Variants in MAP2K5 observed in about 807,000 individuals in gnomAD.
MAP2K5 encodes the protein dual specificity mitogen-activated protein kinase kinase 5.
Under a neutral mutation model 83.1 loss-of-function variants are expected in MAP2K5, and 49 were observed. The ratio of observed to expected loss-of-function variants is 0.59; its 90% CI spans 0.47 to 0.75. MAP2K5 has a LOEUF of 0.75. MAP2K5 is among the 30% of genes least tolerant of loss of function. The pLI is 0.00. For synonymous variants in MAP2K5, 202 were observed against 191.8 expected (o/e 1.05, Z -0.44); for missense variants, 457 against 557.5 (o/e 0.82, Z 1.82).
intron 1 of MAP2K5, 38 bp from the exon 2 acceptor site, chr15:67,549,996 G>C (rs776198573): frequency 5.9e-6 from 9 of 1,533,120 alleles, no homozygotes; most frequent in Non-Finnish European, 8.1e-6. Context: ...CAATAAAGAA[G>C]ATGGCTAATT....
chr15:67,801,555 G>A lies in MAP2K5; in HGVS notation c.1243-5091G>A, dbSNP rs1475576644. 6.6e-6 allele frequency among the ~76,000 whole-genome samples: 1 copy of A among 152,220 alleles called. No homozygotes were observed. Among genetic ancestry groups the A allele is most frequent in the African/African-American group, 2.4e-5 (1 of 41,448 alleles). On this transcript the variant is annotated intron_variant, in intron 21 of 21. Transcript: ENST00000178640. This position sits in a 1 kb window ranked among gnomAD's most constrained non-coding sequence, Gnocchi z 4.8. ...ACCACCAGTAGGCAGGCAGTGTGGT[G>A]TCTTCCATGGTAGAAGAGTGTCCTG... is the stretch of plus-strand genomic sequence containing the variant.
intron 21 of MAP2K5, among the ~76,000 whole-genome samples, chr15:67,776,087 T>C (rs938357479): frequency 4.6e-5 from 7 of 152,148 alleles, no homozygotes; most frequent in African/African-American, 1.7e-4. Flanking sequence ...CTTTCAATTC[T>C]TTAAGAGCCT....
At chr15:67,656,390 T>C (rs1179931709) in intron 11 of MAP2K5, among the ~76,000 whole-genome samples, 2 of 151,404 alleles carry the variant, frequency 1.3e-5, no homozygotes, top group Admixed American at 1.3e-4. Context: ...AGTGGCGCAG[T>C]CTCTGCTCAC....
At position 67,801,440 on chromosome 15, in the gene MAP2K5, C is replaced by T. The variant is rs1046933250; in HGVS notation, c.1243-5206C>T. 6.6e-6 allele frequency among the ~76,000 whole-genome samples: 1 copy of T among 152,194 alleles called. No homozygotes were observed. The highest frequency in any genetic ancestry group is 6.5e-5 in the Admixed American group (1 of 15,282). ...TTGGTGGGAGAGGATGTGCTTGGTGCTCACCCTGAGGCAGAGCAGTCCTGT... is the reference window on the plus strand; with the variant it reads ...TTGGTGGGAGAGGATGTGCTTGGTGTTCACCCTGAGGCAGAGCAGTCCTGT... On this transcript the variant is annotated intron_variant, in intron 21 of 21. Transcript: ENST00000178640. The surrounding 1 kb of genome is among the most constrained non-coding windows in gnomAD (Gnocchi z 4.8).
chr15:67,763,872 A>G (rs2089996483), intron 19 of MAP2K5, among the ~76,000 whole-genome samples: 1 of 152,244 alleles, frequency 6.6e-6, no homozygotes, highest in South Asian at 2.1e-4. Flanking sequence ...GCAGTGATCC[A>G]ATAGAGCTTT....
Position 67,748,736 on chromosome 15 carries a change from T to A in MAP2K5, c.1134+135T>A. 2.8e-6 allele frequency: 2 copies of A among 718,498 alleles called. No individual in the cohort carries two copies. The allele number at this position is 718,498 out of a possible 1,614,324, so 44.5% of individuals were successfully genotyped here. A position where few individuals can be genotyped will look rare whatever the true frequency, so the allele number is the denominator to read the frequency against. On this transcript the variant is annotated intron_variant, in intron 19 of 21. Transcript: ENST00000178640. The surrounding 1 kb of genome is among the most constrained non-coding windows in gnomAD (Gnocchi z 4.0). ...TGTGTTGTATGGCTCTGAGCTATGTTACGTGAACTGGCCTTGTCCTGAATC... is the reference window on the plus strand; with the variant it reads ...TGTGTTGTATGGCTCTGAGCTATGTAACGTGAACTGGCCTTGTCCTGAATC...
chr15:67,797,983 T>C (rs531208433), intron 21 of MAP2K5, among the ~76,000 whole-genome samples: 3 of 152,192 alleles, frequency 2.0e-5, no homozygotes, highest in Admixed American at 6.5e-5. Flanking sequence ...ATGCCCGGCC[T>C]AAAATGTTTT....
In MAP2K5 at chr15:67,778,120, C is replaced by T. The variant is rs970046836; in HGVS notation, c.1242+5368C>T. Among the ~76,000 whole-genome samples the T allele has an allele frequency of 1.3e-5, 2 of 152,212 alleles. No homozygotes were observed. The highest frequency in any genetic ancestry group is 2.9e-5 in the Non-Finnish European group (2 of 68,042). On this transcript the variant is annotated intron_variant, in intron 21 of 21. Transcript: ENST00000178640. This position sits in a 1 kb window ranked among gnomAD's most constrained non-coding sequence, Gnocchi z 5.0. ...GTGGTAATGTTTGGGGGCTAATAAACACCAAACTGCTCTAGAAAAATCTGT... is the reference window on the plus strand; with the variant it reads ...GTGGTAATGTTTGGGGGCTAATAAATACCAAACTGCTCTAGAAAAATCTGT...
intron 7 of MAP2K5, among the ~76,000 whole-genome samples, chr15:67,598,240 G>T (rs911494971): frequency 6.6e-6 from 1 of 151,864 alleles, no homozygotes; most frequent in African/African-American, 2.4e-5. Flanking sequence ...CTAAAAAACT[G>T]TCAATCAGTT....
In MAP2K5 at chr15:67,768,100, T is replaced by C. The variant is rs1265054560; in HGVS notation, c.1135-1502T>C. Among the ~76,000 whole-genome samples the C allele has an allele frequency of 6.6e-6, 1 of 152,188 alleles. No individual in the cohort carries two copies. Among genetic ancestry groups the C allele is most frequent in the East Asian group, 1.9e-4 (1 of 5,202 alleles). ...TGTTTTTGTTTGTTTTTTGGCTGCC[T>C]TGACCCCCTTAGTTCCTTTTGATTT... On this transcript the variant is annotated intron_variant, in intron 19 of 21. Coordinates refer to ENST00000178640, the MANE Select transcript of MAP2K5 (RefSeq NM_145160.3). The surrounding 1 kb of genome is among the most constrained non-coding windows in gnomAD (Gnocchi z 4.0).
At chr15:67,714,014 A>G (rs1020882244) in intron 16 of MAP2K5, among the ~76,000 whole-genome samples, 7 of 152,318 alleles carry the variant, frequency 4.6e-5, no homozygotes, top group Admixed American at 1.3e-4. Context: ...TGAAGGTAAC[A>G]TTAGAATTCA....
chr15:67,625,953 A>C (rs1404523475), intron 8 of MAP2K5, among the ~76,000 whole-genome samples: 1 of 152,176 alleles, frequency 6.6e-6, no homozygotes, highest in Admixed American at 6.5e-5. Flanking sequence ...CTATCTGCTA[A>C]TCATTTTCTT....
intron 9 of MAP2K5, among the ~76,000 whole-genome samples, chr15:67,634,275 G>C (rs1217029229): frequency 2.0e-5 from 3 of 149,374 alleles, no homozygotes; most frequent in African/African-American, 7.4e-5. Context: ...AGGCTAAGGT[G>C]GGAGGATCGC....
chr15:67,630,961 T>G (rs1356845396), intron 9 of MAP2K5, 34 bp downstream of exon 9: 1 of 1,504,424 alleles, frequency 6.6e-7, no homozygotes, highest in African/African-American at 1.4e-5. Context: ...AAATTCTTGA[T>G]GTTCACCTCT....
In MAP2K5 at chr15:67,746,698, A is replaced by G. The variant is rs984319114; in HGVS notation, c.1075-1533A>G. On this transcript the variant is annotated intron_variant, in intron 17 of 21. Coordinates refer to ENST00000178640, the MANE Select transcript of MAP2K5 (RefSeq NM_145160.3). This position sits in a 1 kb window ranked among gnomAD's most constrained non-coding sequence, Gnocchi z 4.1. ...TAATTCAGGACAACATCAAGCAGGG[A>G]CTATCAACATAGACTAAGCCAGTCA... 6.6e-6 allele frequency among the ~76,000 whole-genome samples: 1 copy of G among 152,236 alleles called. No homozygotes were observed. The highest frequency in any genetic ancestry group is 1.5e-5 in the Non-Finnish European group (1 of 68,048).
intron 13 of MAP2K5, among the ~76,000 whole-genome samples, chr15:67,682,530 C>G (rs2087844245): frequency 6.7e-6 from 1 of 148,946 alleles, no homozygotes. Context: ...GCCCCTGGAG[C>G]TATTCTTAAG....
intron 8 of MAP2K5, among the ~76,000 whole-genome samples, chr15:67,609,470 T>A (rs62016164): frequency 2.0e-5 from 2 of 101,452 alleles, no homozygotes; most frequent in East Asian, 2.5e-4. Context: ...GGTCTATAGA[T>A]TCTGTAGACC....
At position 67,746,128 on chromosome 15, in the gene MAP2K5, A is replaced by C. The variant is rs2141271180; in HGVS notation, c.1075-2103A>C. 6.6e-6 allele frequency among the ~76,000 whole-genome samples: 1 copy of C among 152,314 alleles called. No homozygotes were observed. The highest frequency in any genetic ancestry group is 3.4e-3 in the Middle Eastern group (1 of 294). The stretch of plus-strand genomic sequence containing the variant: ...CTTAGACTAAGCTTTTAACCTGCAA[A>C]ATAGGGCAAACTAGAGACTTTAAGA... On this transcript the variant is annotated intron_variant, in intron 17 of 21. Coordinates refer to ENST00000178640, the MANE Select transcript of MAP2K5 (RefSeq NM_145160.3). This position sits in a 1 kb window ranked among gnomAD's most constrained non-coding sequence, Gnocchi z 4.1.
chr15:67,738,049 G>A lies in MAP2K5; in HGVS notation c.1074+10104G>A, dbSNP rs149227395. 9.6e-3 allele frequency among the ~76,000 whole-genome samples: 1,455 copies of A among 151,674 alleles called. 18 individuals carry two copies. The highest frequency in any genetic ancestry group is 0.034 in the African/African-American group (1,388 of 41,346). On this transcript the variant is annotated intron_variant, in intron 17 of 21. Transcript: ENST00000178640. This position sits in a 1 kb window ranked among gnomAD's most constrained non-coding sequence, Gnocchi z 4.1. The stretch of plus-strand genomic sequence containing the variant: ...GTATTTTTAATAGAGATGAGATTTC[G>A]CCATGTTGGCCAGGCTGGTCTCGAA...
Sources: allele counts gnomAD v4.1 joint callset (sites outside exome capture counted in the v4.1 genomes callset), GRCh38; gene constraint gnomAD v4.1.1; non-coding constraint Gnocchi (gnomAD v3.1); transcripts MANE v1.5; gene names NCBI Gene and HGNC (gene_info 2026-07-23, HGNC 2026-07-21).